The following MEIKIN variants were observed in gnomAD, a reference collection of about 807,000 sequenced individuals.
The protein encoded by MEIKIN is meiotic kinetochore factor, also known as meiosis-specific kinetochore protein.
chr5:131,875,872 C>A (rs557581770), intron 9 of MEIKIN, among the ~76,000 whole-genome samples: 2 of 152,126 alleles, frequency 1.3e-5, no homozygotes, highest in Non-Finnish European at 2.9e-5. Context: ...TTTGACAAAC[C>A]TGACAAAAAC....
chr5:131,829,463 G>A (rs1749675987), intron 11 of MEIKIN, among the ~76,000 whole-genome samples: 1 of 152,118 alleles, frequency 6.6e-6, no homozygotes, highest in African/African-American at 2.4e-5. Flanking sequence ...GAGAGCAATA[G>A]CACCCTATGG....
At chr5:131,886,116 A>G (rs966790071) in intron 8 of MEIKIN, among the ~76,000 whole-genome samples, 1 of 152,172 alleles carries the variant, frequency 6.6e-6, no homozygotes. Context: ...TACATAGAGA[A>G]GACCAAAGAA....
intron 9 of MEIKIN, among the ~76,000 whole-genome samples, chr5:131,875,880 A>G (rs967465625): frequency 6.6e-6 from 1 of 152,216 alleles, no homozygotes; most frequent in Non-Finnish European, 1.5e-5. Flanking sequence ...ACCTGACAAA[A>G]ACAAGCAATG....
At chr5:131,924,908 T>C in intron 5 of MEIKIN, among the ~76,000 whole-genome samples, 1 of 152,236 alleles carries the variant, frequency 6.6e-6, no homozygotes, top group East Asian at 1.9e-4. Flanking sequence ...ACTAATGTTA[T>C]GAAGCTTTTC....
intron 9 of MEIKIN, among the ~76,000 whole-genome samples, chr5:131,862,722 G>A (rs1033033556): frequency 3.3e-5 from 5 of 151,992 alleles, no homozygotes; most frequent in African/African-American, 4.8e-5. Context: ...AAAAGACAAG[G>A]TCTTAACTTT....
intron 11 of MEIKIN, among the ~76,000 whole-genome samples, chr5:131,843,584 G>A (rs1013067678): frequency 5.3e-5 from 8 of 152,188 alleles, no homozygotes; most frequent in African/African-American, 1.7e-4. Flanking sequence ...CTTTACAGCA[G>A]GAGCACAATG....
intron 6 of MEIKIN, among the ~76,000 whole-genome samples, chr5:131,921,294 T>C (rs1751500934): frequency 6.6e-6 from 1 of 152,176 alleles, no homozygotes; most frequent in South Asian, 2.1e-4. Flanking sequence ...GAAGAATTGC[T>C]TGAGGCCAGG....
intron 5 of MEIKIN, among the ~76,000 whole-genome samples, chr5:131,931,117 A>G (rs1164737991): frequency 6.6e-6 from 1 of 152,212 alleles, no homozygotes; most frequent in Non-Finnish European, 1.5e-5. Flanking sequence ...GAAGACCCTT[A>G]TGAATAAGCC....
intron 5 of MEIKIN, among the ~76,000 whole-genome samples, chr5:131,930,706 G>A (rs1033739447): frequency 1.3e-5 from 2 of 152,028 alleles, no homozygotes; most frequent in Admixed American, 1.3e-4. Flanking sequence ...ATAGCTCACT[G>A]TAACATCAAA....
At chr5:131,857,446 A>T (rs1404118158) in intron 9 of MEIKIN, among the ~76,000 whole-genome samples, 1 of 152,146 alleles carries the variant, frequency 6.6e-6, no homozygotes, top group Non-Finnish European at 1.5e-5. Flanking sequence ...TAACTGTAGG[A>T]CCTGGACAGA....
chr5:131,899,554 A>G (rs995012270), intron 8 of MEIKIN, among the ~76,000 whole-genome samples: 5 of 151,738 alleles, frequency 3.3e-5, no homozygotes, highest in Admixed American at 2.0e-4. Context: ...AAAAAAAAAA[A>G]AAAAAAACAA....
intron 3 of MEIKIN, chr5:131,944,334 C>G (rs1422319061): frequency 1.1e-5 from 2 of 180,080 alleles, no homozygotes; most frequent in East Asian, 2.8e-4. Context: ...ATGAATGTTT[C>G]CAGTTGTTAA....
chr5:131,813,588 G>C (rs192728819), intron 12 of MEIKIN, among the ~76,000 whole-genome samples: 1 of 151,864 alleles, frequency 6.6e-6, no homozygotes, highest in African/African-American at 2.4e-5. Flanking sequence ...CACCATGCCC[G>C]GCTAATTTTT....
intron 9 of MEIKIN, among the ~76,000 whole-genome samples, chr5:131,866,091 G>C (rs1485522125): frequency 6.6e-6 from 1 of 152,226 alleles, no homozygotes; most frequent in East Asian, 1.9e-4. Context: ...CTTGTGGAGT[G>C]TGCATGGCAT....
chr5:131,828,032 C>T (rs1428239771), intron 11 of MEIKIN, among the ~76,000 whole-genome samples: 13 of 149,058 alleles, frequency 8.7e-5, no homozygotes, highest in Middle Eastern at 3.4e-3. Context: ...GAGCAAGACC[C>T]TGTCTCAAAA....
In MEIKIN at chr5:131,858,686, C is replaced by T. The variant is rs145828279; in HGVS notation, c.775-3852G>A. Among the ~76,000 whole-genome samples the T allele has an allele frequency of 6.3e-3, 951 of 152,102 alleles. 9 individuals are homozygous for T. Among genetic ancestry groups the T allele is most frequent in the African/African-American group, 0.021 (883 of 41,476 alleles). On this transcript the variant is annotated intron_variant, in intron 9 of 12. Coordinates refer to ENST00000442687, the MANE Select transcript of MEIKIN (RefSeq NM_001303622.2). Reference sequence around the variant, plus strand: ...AGAAAATATTTGCAAACTATGCATCCGACAAAGGTCTGATATCCAGGATAT... The same window carrying T: ...AGAAAATATTTGCAAACTATGCATCTGACAAAGGTCTGATATCCAGGATAT...
intron 8 of MEIKIN, among the ~76,000 whole-genome samples, chr5:131,881,718 A>G (rs1750705429): frequency 6.6e-6 from 1 of 152,152 alleles, no homozygotes; most frequent in Non-Finnish European, 1.5e-5. Flanking sequence ...ATATGTATTC[A>G]TCCATGTATC....
chr5:131,864,993 T>C (rs879852902), intron 9 of MEIKIN, among the ~76,000 whole-genome samples: 1 of 152,228 alleles, frequency 6.6e-6, no homozygotes, highest in Non-Finnish European at 1.5e-5. Flanking sequence ...CTGTTTGATT[T>C]AGTCTATTGT....
At chr5:131,848,059 G>A (rs1205379934) in intron 11 of MEIKIN, among the ~76,000 whole-genome samples, 5 of 152,028 alleles carry the variant, frequency 3.3e-5, no homozygotes, top group Admixed American at 3.3e-4. Context: ...GGCTATAAAT[G>A]CTTAAATTGA....
Sources: allele counts gnomAD v4.1 joint callset (sites outside exome capture counted in the v4.1 genomes callset), GRCh38; gene constraint gnomAD v4.1.1; transcripts MANE v1.5; gene names NCBI Gene and HGNC (gene_info 2026-07-23, HGNC 2026-07-21).